The following MYO16 variants were observed in gnomAD, a reference collection of about 807,000 sequenced individuals.
MYO16 encodes unconventional myosin-XVI.
MYO16 carries 94 observed loss-of-function variants against 205.3 expected under a neutral mutation model. The ratio of observed to expected loss-of-function variants is 0.46; its 90% confidence interval spans 0.39 to 0.54. The LOEUF (loss-of-function observed/expected upper bound fraction) is 0.54, where lower values mean the gene tolerates loss of function less well. Among genes scored for constraint, MYO16 ranks in the 20% least tolerant of loss-of-function variants. The pLI is 0.00. For missense variants in MYO16, 2,315 were observed against 2,387.5 expected, an observed-to-expected ratio of 0.97 and a Z score of 0.63; for synonymous variants, 988 against 954.0, an observed-to-expected ratio of 1.04 and a Z score of -0.66.
intron 20 of MYO16, among the ~76,000 whole-genome samples, chr13:108,972,249 C>CTCTCTCTCTCTCTATATATATA: frequency 3.5e-4 from 1 of 2,850 alleles, no homozygotes; most frequent in Non-Finnish European, 5.9e-4. Flanking sequence ...CTCTCTCTCT[C>CTCTCTCTCTCTCTATATATATA]TATATATATA....
intron 2 of MYO16, among the ~76,000 whole-genome samples, chr13:108,692,583 G>A (rs1882939755): frequency 6.6e-6 from 1 of 152,090 alleles, no homozygotes; most frequent in Non-Finnish European, 1.5e-5. Context: ...GGCAAACGTT[G>A]CGATTGGAAT....
At chr13:108,520,881 G>A in the MYO16 span, among the ~76,000 whole-genome samples, 1 of 152,136 alleles carries the variant, frequency 6.6e-6, no homozygotes, top group Admixed American at 6.5e-5. Flanking sequence ...TAGAGGATTG[G>A]AATTAATTAC....
At chr13:108,660,059 G>T (rs897479985) in intron 1 of MYO16, among the ~76,000 whole-genome samples, 1 of 152,110 alleles carries the variant, frequency 6.6e-6, no homozygotes, top group East Asian at 1.9e-4. Flanking sequence ...CTATGATTAT[G>T]CCACTGCACT....
chr13:108,699,705 A>T (rs1172059086), intron 2 of MYO16, among the ~76,000 whole-genome samples: 1 of 152,192 alleles, frequency 6.6e-6, no homozygotes, highest in Non-Finnish European at 1.5e-5. Flanking sequence ...AATTTGTACC[A>T]CAATTGGATA....
intron 6 of MYO16, among the ~76,000 whole-genome samples, chr13:108,803,688 C>G (rs1441201344): frequency 1.3e-5 from 2 of 152,096 alleles, no homozygotes; most frequent in Admixed American, 6.6e-5. Flanking sequence ...AAATGTGGAG[C>G]CTGGGATGCT....
intron 4 of MYO16, among the ~76,000 whole-genome samples, chr13:108,742,099 T>A (rs942277758): frequency 6.6e-6 from 1 of 152,088 alleles, no homozygotes; most frequent in Non-Finnish European, 1.5e-5. Flanking sequence ...TACAAGCAAT[T>A]TTTGGGTCTC....
chr13:108,710,111 A>G (rs1343763903), intron 2 of MYO16, among the ~76,000 whole-genome samples: 1 of 152,118 alleles, frequency 6.6e-6, no homozygotes, highest in Admixed American at 6.5e-5. Context: ...TATGAGTTTC[A>G]TGATTGCCCA....
At chr13:108,590,417 A>G in the MYO16 span, among the ~76,000 whole-genome samples, 4 of 152,234 alleles carry the variant, frequency 2.6e-5, no homozygotes, top group Admixed American at 2.6e-4. Context: ...AATAGTCAGT[A>G]TGAAGAACTA....
At position 108,665,912 on chromosome 13, in the gene MYO16, C is replaced by T. The variant is rs1297702065; in HGVS notation, c.55C>T (p.Arg19Ter). ...TTGCTTTCAGCTATGTAACGTTTTT[C>T]GATCCCATGAGATGGAAATCGACCA... Reference protein sequence around the residue: ...CCCFQLCNVFRSHEMEIDQCL... With the variant: ...CCCFQLCNVF Residue 19 changes from arginine to a stop codon, truncating the protein, a stop_gained, in exon 2 of 35, where the codon CGA (arginine) becomes TGA (stop). Coordinates refer to ENST00000457511, the MANE Select transcript of MYO16 (RefSeq NM_001198950.3). LOFTEE classifies it high-confidence loss of function. 1.2e-6 allele frequency: 2 copies of T among 1,613,634 alleles called. No individual in the cohort carries two copies. The highest frequency in any genetic ancestry group is 1.3e-5 in the African/African-American group (1 of 74,880).
At chr13:108,726,923 T>G (rs1444165922) in intron 3 of MYO16, among the ~76,000 whole-genome samples, 1 of 151,682 alleles carries the variant, frequency 6.6e-6, no homozygotes, top group Non-Finnish European at 1.5e-5. Context: ...CAATATGACA[T>G]GCTGTGAAAC....
Position 109,100,903 on chromosome 13 carries a change from G to C in MYO16, c.3438+16G>C. Reference sequence around the variant, plus strand: ...AGGCTGGCAGGTTGGTGACCTACAAGCTATGAAAATAACATTTTAGGATTT... The same window carrying C: ...AGGCTGGCAGGTTGGTGACCTACAACCTATGAAAATAACATTTTAGGATTT... On this transcript the variant is annotated intron_variant, in intron 28 of 34. Coordinates refer to ENST00000457511, the MANE Select transcript of MYO16 (RefSeq NM_001198950.3). The C allele has an allele frequency of 6.3e-7, 1 of 1,597,228 alleles. No individual in the cohort carries two copies. The highest frequency in any genetic ancestry group is 8.6e-7 in the Non-Finnish European group (1 of 1,165,512).
chr13:108,964,654 C>T (rs1032510577), intron 19 of MYO16, 107 bp from the exon 20 acceptor site: 13 of 1,183,118 alleles, frequency 1.1e-5, no homozygotes, highest in Admixed American at 2.2e-5. Context: ...TTATACATCA[C>T]TTGTCTTGTG....
intron 27 of MYO16, among the ~76,000 whole-genome samples, chr13:109,084,039 G>C (rs1478206371): frequency 6.6e-6 from 1 of 152,182 alleles, no homozygotes; most frequent in Admixed American, 6.5e-5. Context: ...CCACTCAGCA[G>C]TTCCTGTTTC....
intron 2 of MYO16, among the ~76,000 whole-genome samples, chr13:108,691,967 C>T (rs940398458): frequency 1.3e-5 from 2 of 152,126 alleles, no homozygotes; most frequent in Admixed American, 6.5e-5. Context: ...ACACAGGAAG[C>T]GCCCCCTTTC....
chr13:108,589,421 A>G, the MYO16 span, among the ~76,000 whole-genome samples: 1 of 152,174 alleles, frequency 6.6e-6, no homozygotes, highest in Non-Finnish European at 1.5e-5. Context: ...CCCCTGGATT[A>G]TAAAATACCA....
intron 4 of MYO16, among the ~76,000 whole-genome samples, chr13:108,780,359 T>TA (rs34109900): frequency 0.14 from 20,469 of 145,068 alleles, 1,495 homozygotes; most frequent in Middle Eastern, 0.23. Flanking sequence ...ACGTCTGATT[T>TA]AAAAAAAAAA....
At chr13:109,082,335 A>G (rs944068048) in intron 27 of MYO16, among the ~76,000 whole-genome samples, 43 of 152,206 alleles carry the variant, frequency 2.8e-4, no homozygotes, top group Admixed American at 2.7e-3. Flanking sequence ...AGCTAAGTAG[A>G]GTTTAGTTTA....
intron 15 of MYO16, 29 bp from the exon 16 acceptor site, chr13:108,909,974 A>G (rs1881179506): frequency 1.2e-6 from 2 of 1,601,090 alleles, no homozygotes; most frequent in East Asian, 4.5e-5. Context: ...ACTGCCATTT[A>G]ACAGAATCAC....
intron 4 of MYO16, among the ~76,000 whole-genome samples, chr13:108,734,596 G>T (rs1354315771): frequency 6.6e-6 from 1 of 152,166 alleles, no homozygotes; most frequent in Non-Finnish European, 1.5e-5. Context: ...TTGCTTACAG[G>T]ATCTCCAGGG....
Sources: gnomAD v4.1 joint callset for allele counts (sites outside exome capture counted in the v4.1 genomes callset) on GRCh38, gnomAD v4.1.1 for gene constraint, MANE v1.5 for transcripts, NCBI Gene and HGNC (gene_info 2026-07-23, HGNC 2026-07-21) for gene names.